NELL1: variants seen among roughly 807,000 people sequenced by gnomAD.
NELL1 encodes neural EGFL like 1.
In NELL1, 76 loss-of-function variants were observed where a neutral mutation model predicts 107.4. That is an observed-to-expected ratio of 0.71 (90% confidence interval 0.59 to 0.86). The LOEUF is 0.86. Ranked by LOEUF, NELL1 falls within the 40% of genes least tolerant of loss-of-function variation. NELL1 has a pLI of 0.00. For missense variants in NELL1, 1,024 were observed against 1,005.5 expected (o/e 1.02, Z -0.25); for synonymous variants, 353 against 341.2 (o/e 1.03, Z -0.38).
intron 12 of NELL1, among the ~76,000 whole-genome samples, chr11:20,973,797 C>T (rs930633945): frequency 6.6e-6 from 1 of 152,200 alleles, no homozygotes; most frequent in Non-Finnish European, 1.5e-5. Flanking sequence ...TATAGAGATT[C>T]AGGGACTTTT....
At chr11:20,908,214 AG>A in intron 5 of NELL1, among the ~76,000 whole-genome samples, 1 of 152,340 alleles carries the variant, frequency 6.6e-6, no homozygotes, top group South Asian at 2.1e-4. Flanking sequence ...ATATAGCCAA[AG>A]GAATATAAGT....
chr11:20,960,665 T>C, intron 12 of NELL1, 105 bp downstream of exon 12: 2 of 1,256,062 alleles, frequency 1.6e-6, no homozygotes, highest in East Asian at 2.3e-5. Flanking sequence ...TGTGGTCCTA[T>C]GCAATCCTAT....
intron 1 of NELL1, among the ~76,000 whole-genome samples, chr11:20,674,838 T>C (rs1191867464): frequency 6.6e-6 from 1 of 152,190 alleles, no homozygotes; most frequent in Non-Finnish European, 1.5e-5. Flanking sequence ...GCAGGGCTCT[T>C]AGTCTGGGAG....
intron 2 of NELL1, among the ~76,000 whole-genome samples, chr11:20,691,820 C>T (rs1383211599): frequency 3.3e-5 from 5 of 152,064 alleles, no homozygotes; most frequent in African/African-American, 1.2e-4. Context: ...GGGAGGATTC[C>T]CTCTTTTTCT....
At chr11:21,535,456 A>AGAT (rs1591015327) in intron 16 of NELL1, among the ~76,000 whole-genome samples, 2 of 152,068 alleles carry the variant, frequency 1.3e-5, no homozygotes, top group East Asian at 3.9e-4. Flanking sequence ...GCTGCTGCTG[A>AGAT]GATATAGTCA....
chr11:21,418,666 C>T (rs1852580223), intron 15 of NELL1, among the ~76,000 whole-genome samples: 1 of 152,008 alleles, frequency 6.6e-6, no homozygotes, highest in Non-Finnish European at 1.5e-5. Flanking sequence ...AATATACTTC[C>T]CACCCTGATA....
intron 15 of NELL1, among the ~76,000 whole-genome samples, chr11:21,399,848 T>G (rs552471163): frequency 5.3e-5 from 8 of 151,850 alleles, no homozygotes; most frequent in African/African-American, 1.9e-4. Flanking sequence ...TGGAAGATAA[T>G]GATGATGTTG....
intron 14 of NELL1, among the ~76,000 whole-genome samples, chr11:21,240,606 G>A (rs1459092249): frequency 6.6e-6 from 1 of 151,966 alleles, no homozygotes; most frequent in African/African-American, 2.4e-5. Flanking sequence ...TTTCAGTCTT[G>A]AACCCAGCAA....
intron 14 of NELL1, among the ~76,000 whole-genome samples, chr11:21,330,167 T>G (rs907491887): frequency 6.6e-6 from 1 of 152,126 alleles, no homozygotes; most frequent in Admixed American, 6.6e-5. Context: ...ACATATGTTG[T>G]TAAGTATAGA....
chr11:21,062,973 G>T (rs548548204), intron 12 of NELL1, among the ~76,000 whole-genome samples: 1 of 151,802 alleles, frequency 6.6e-6, no homozygotes. Flanking sequence ...GATTACAAAC[G>T]TATGCCACCA....
intron 12 of NELL1, among the ~76,000 whole-genome samples, chr11:21,002,688 G>T (rs1852249352): frequency 1.3e-5 from 2 of 152,134 alleles, no homozygotes; most frequent in Non-Finnish European, 2.9e-5. Flanking sequence ...TTTACTGAGA[G>T]AATTGCCTCA....
At chr11:21,344,837 G>C (rs1243754660) in intron 14 of NELL1, among the ~76,000 whole-genome samples, 4 of 151,428 alleles carry the variant, frequency 2.6e-5, no homozygotes, top group Non-Finnish European at 1.5e-5. Context: ...TGCAATGATA[G>C]TTGTTGTTTT....
Position 21,113,733 on chromosome 11 carries a change from T to G in NELL1, c.1426+19T>G, listed in dbSNP as rs1479597793. 1 of 1,607,468 alleles carries G rather than the reference T, an allele frequency of 6.2e-7. No individual in the cohort carries two copies. ...TGTACAGGTGAGCTTTAAGAAGCAG[T>G]GTTGTTTTTTTAATTCATCCATTCT... On this transcript the variant is annotated intron_variant, in intron 13 of 19. Coordinates refer to ENST00000357134, the MANE Select transcript of NELL1 (RefSeq NM_006157.5).
intron 5 of NELL1, among the ~76,000 whole-genome samples, chr11:20,917,682 A>C (rs547380314): frequency 6.6e-6 from 1 of 152,082 alleles, no homozygotes; most frequent in African/African-American, 2.4e-5. Context: ...TTTTACTCTT[A>C]AGACTCATCA....
intron 14 of NELL1, among the ~76,000 whole-genome samples, chr11:21,312,834 C>A (rs765153339): frequency 8.5e-5 from 13 of 152,076 alleles, no homozygotes; most frequent in Non-Finnish European, 1.8e-4. Flanking sequence ...TTTTATAAAC[C>A]TAAATGTCAC....
chr11:21,279,992 G>A (rs939887772), intron 14 of NELL1, among the ~76,000 whole-genome samples: 1 of 152,150 alleles, frequency 6.6e-6, no homozygotes, highest in Admixed American at 6.6e-5. Flanking sequence ...TCACTTATAT[G>A]ACATGATGAA....
intron 2 of NELL1, among the ~76,000 whole-genome samples, chr11:20,701,817 G>A (rs945187134): frequency 6.6e-6 from 1 of 152,152 alleles, no homozygotes; most frequent in Non-Finnish European, 1.5e-5. Context: ...TCAGATGGTT[G>A]TAGATGTGCG....
At chr11:21,050,051 C>T (rs1262294860) in intron 12 of NELL1, among the ~76,000 whole-genome samples, 1 of 152,104 alleles carries the variant, frequency 6.6e-6, no homozygotes, top group Admixed American at 6.6e-5. Flanking sequence ...CAGATGTAGA[C>T]ATCAATCACT....
intron 2 of NELL1, among the ~76,000 whole-genome samples, chr11:20,763,693 C>T (rs11025746): frequency 0.19 from 29,062 of 152,160 alleles, 2,848 homozygotes; most frequent in South Asian, 0.28. Context: ...AGTGCTCTGC[C>T]GAGCCACAGC....
Sources: gnomAD v4.1 joint callset for allele counts (sites outside exome capture counted in the v4.1 genomes callset) on GRCh38, gnomAD v4.1.1 for gene constraint, MANE v1.5 for transcripts, NCBI Gene and HGNC (gene_info 2026-07-23, HGNC 2026-07-21) for gene names.